NCOA6: variants seen among roughly 807,000 people sequenced by gnomAD.
The protein encoded by NCOA6 is NRC RAP250.
Under a neutral mutation model 171.4 loss-of-function variants are expected in NCOA6, and 49 were observed. That is an observed-to-expected ratio of 0.29 (90% CI 0.23 to 0.36). The LOEUF (loss-of-function observed/expected upper bound fraction) is 0.36. NCOA6 is among the 10% of genes least tolerant of loss of function. NCOA6 has a pLI of 1.00. For missense variants in NCOA6, 2,248 were observed against 2,554.5 expected (o/e 0.88, Z 2.59); for synonymous variants, 910 against 927.5 (o/e 0.98, Z 0.34).
chr20:34,790,074 TAA>T (rs61537155), intron 2 of NCOA6, among the ~76,000 whole-genome samples: 1,832 of 138,378 alleles, frequency 0.013, 46 homozygotes, highest in African/African-American at 0.046. Context: ...TTTCTACTAT[TAA>T]AAAAAAAAAA....
intron 5 of NCOA6, among the ~76,000 whole-genome samples, chr20:34,760,523 G>A (rs1313329375): frequency 6.6e-6 from 1 of 152,184 alleles, no homozygotes; most frequent in East Asian, 1.9e-4. Context: ...GAGTTGGAAA[G>A]CATCTTTCTT....
intron 8 of NCOA6, among the ~76,000 whole-genome samples, 200 bp downstream of exon 8, chr20:34,754,522 G>A (rs1212962532): frequency 6.6e-6 from 1 of 152,140 alleles, no homozygotes; most frequent in Non-Finnish European, 1.5e-5. Flanking sequence ...TCTCCTCTTA[G>A]ATGTTTCTGA....
At chr20:34,788,308 C>A (rs536594632) in intron 2 of NCOA6, among the ~76,000 whole-genome samples, 1 of 152,296 alleles carries the variant, frequency 6.6e-6, no homozygotes, top group African/African-American at 2.4e-5. Context: ...AGGTGATCCA[C>A]CCGCCTCGGC....
At chr20:34,773,532 G>A (rs1190682563) in intron 4 of NCOA6, among the ~76,000 whole-genome samples, 4 of 131,190 alleles carry the variant, frequency 3.0e-5, no homozygotes, top group Non-Finnish European at 4.8e-5. Flanking sequence ...TCGGCTCACC[G>A]CAACCTCCAC....
chr20:34,734,824 G>A (rs1028128409), intron 12 of NCOA6, among the ~76,000 whole-genome samples: 8 of 151,666 alleles, frequency 5.3e-5, no homozygotes, highest in Non-Finnish European at 1.2e-4. Context: ...AGCTAATTTT[G>A]TATTTGTAGT....
At chr20:34,809,626 C>T (rs931777477) in intron 1 of NCOA6, 2 of 392,162 alleles carry the variant, frequency 5.1e-6, no homozygotes, top group Non-Finnish European at 9.0e-6. Flanking sequence ...TTGTGATTGG[C>T]CAAATTCCTT....
chr20:34,806,890 T>C (rs1206431303), intron 1 of NCOA6, among the ~76,000 whole-genome samples: 3 of 152,228 alleles, frequency 2.0e-5, no homozygotes, highest in African/African-American at 4.8e-5. Context: ...TCAAGGTCTT[T>C]TGTGGTGCCT....
intron 1 of NCOA6, among the ~76,000 whole-genome samples, chr20:34,794,486 A>C (rs2077998120): frequency 6.6e-6 from 1 of 152,132 alleles, no homozygotes; most frequent in Non-Finnish European, 1.5e-5. Flanking sequence ...ATTATAGAAC[A>C]TCCTTAAAAA....
At chr20:34,723,227 C>T (rs1380938498) in intron 14 of NCOA6, among the ~76,000 whole-genome samples, 3 of 152,064 alleles carry the variant, frequency 2.0e-5, no homozygotes, top group African/African-American at 7.2e-5. Flanking sequence ...TGGGACTGAG[C>T]CCTCAAACCT....
Position 34,746,903 on chromosome 20 carries a change from G to T in NCOA6, c.2818C>A (p.Leu940Met). Residue 940 changes from leucine (L) to methionine (M), a missense_variant, in exon 10 of 15, where the codon CTG (leucine) becomes ATG (methionine). Physicochemically the swap from Leu to Met is conservative, Grantham distance 15. Coordinates refer to ENST00000359003, the MANE Select transcript of NCOA6 (RefSeq NM_014071.5). ...AACGGTGGCTGATCAGCCTCTTCCA[G>T]ACCAGCTGGGCGAGTATCTGGGGTG... ...LNTPDTRPAG[L>M]EEADQPPLPG... 6.6e-7 allele frequency: 1 copy of T among 1,515,780 alleles called. No homozygotes were observed. Among genetic ancestry groups the T allele is most frequent in the Non-Finnish European group, 8.9e-7 (1 of 1,122,110 alleles). 93.9% of individuals were successfully genotyped at this position (1,515,780 alleles called of 1,614,324 possible). A position where few individuals can be genotyped will look rare whatever the true frequency, so the allele number is the denominator to read the frequency against.
At position 34,757,324 on chromosome 20, in the gene NCOA6, C is replaced by T. The variant is rs1278762186; in HGVS notation, c.1424G>A (p.Gly475Asp). ...TCCCTGTTGAACCATAGGATTCCGA[C>T]CCGGAGAGCTGACAGGCTGCTGAAA... ...QGFQQPVSSP[G>D]RNPMVQQGNV... The change falls in exon 7 of 15, where the codon GGT becomes GAT. Residue 475 changes from glycine to aspartate, a missense_variant. By Grantham distance (94) the Gly-to-Asp change is moderately conservative. Coordinates refer to ENST00000359003, the MANE Select transcript of NCOA6 (RefSeq NM_014071.5). 6.2e-7 allele frequency: 1 copy of T among 1,614,148 alleles called. No individual in the cohort carries two copies. Among genetic ancestry groups the T allele is most frequent in the Non-Finnish European group, 8.5e-7 (1 of 1,180,008 alleles).
Position 34,743,274 on chromosome 20 carries a change from C to T in NCOA6, c.2982G>A (p.Val994=). ...QQMPPQLMQH[V]APPPQPPQQQ... is the part of the protein sequence containing the mutation. The stretch of plus-strand genomic sequence containing the variant: ...GCTGTGGTGGCTGTGGTGGGGGTGC[C>T]ACATGCTGCATGAGTTGAGGAGGCA... Residue 994 remains valine, a synonymous_variant, in exon 11 of 15, where the codon GTG becomes GTA. Coordinates refer to ENST00000359003, the MANE Select transcript of NCOA6 (RefSeq NM_014071.5). 1 of 1,613,802 alleles carries T rather than the reference C, an allele frequency of 6.2e-7. No individual in the cohort carries two copies. Among genetic ancestry groups the T allele is most frequent in the East Asian group, 2.2e-5 (1 of 44,882 alleles).
At position 34,742,700 on chromosome 20, in the gene NCOA6, C is replaced by G. The variant is rs1357877461; in HGVS notation, c.3556G>C (p.Val1186Leu). 6.2e-7 allele frequency: 1 copy of G among 1,613,994 alleles called. No homozygotes were observed. The highest frequency in any genetic ancestry group is 2.2e-5 in the East Asian group (1 of 44,878). ...TQGATPQQPP[V>L]NSLPSSHGHH... is the part of the protein sequence containing the mutation. The stretch of plus-strand genomic sequence containing the variant: ...CCGTGAGAGCTGGGCAGGGAATTTA[C>G]AGGGGGTTGCTGGGGAGTTGCACCT... Residue 1186 changes from valine to leucine, a missense_variant, in exon 11 of 15, where the codon GTA (valine) becomes CTA (leucine). Val to Leu is a conservative substitution (Grantham distance 32). Around this residue, in one of 7 missense-constraint regions of NCOA6, gnomAD observed 352 missense variants for 419.1 expected, o/e 0.84. Coordinates refer to ENST00000359003, the MANE Select transcript of NCOA6 (RefSeq NM_014071.5).
chr20:34,765,818 A>G (rs557614033), intron 5 of NCOA6, among the ~76,000 whole-genome samples: 3 of 152,334 alleles, frequency 2.0e-5, no homozygotes, highest in South Asian at 4.1e-4. Context: ...AATGACTACT[A>G]TAGTATCCCC....
intron 1 of NCOA6, among the ~76,000 whole-genome samples, chr20:34,803,536 AAAAAT>A (rs1308471787): frequency 2.0e-5 from 3 of 152,172 alleles, no homozygotes; most frequent in Admixed American, 6.5e-5. Context: ...TGGAAGATTT[AAAAAT>A]AAAATAATTG....
intron 10 of NCOA6, among the ~76,000 whole-genome samples, chr20:34,743,838 AACAGCACTGAAG>A (rs1225265338): frequency 4.6e-5 from 7 of 152,264 alleles, no homozygotes; most frequent in Admixed American, 4.6e-4. Flanking sequence ...TGTTGAAAAT[AACAGCACTGAAG>A]ACAGCCTTTT....
intron 1 of NCOA6, among the ~76,000 whole-genome samples, chr20:34,798,982 C>T (rs2078170592): frequency 6.6e-6 from 1 of 152,116 alleles, no homozygotes; most frequent in East Asian, 1.9e-4. Flanking sequence ...CATGACCTCA[C>T]CAAATGAACT....
intron 10 of NCOA6, among the ~76,000 whole-genome samples, chr20:34,744,094 G>A (rs1214179118): frequency 1.3e-5 from 2 of 152,180 alleles, no homozygotes; most frequent in African/African-American, 4.8e-5. Flanking sequence ...GGGCATTGAA[G>A]TTTTTATGGA....
chr20:34,792,934 C>A (rs953547901), intron 1 of NCOA6, among the ~76,000 whole-genome samples: 1 of 151,930 alleles, frequency 6.6e-6, no homozygotes, highest in Non-Finnish European at 1.5e-5. Flanking sequence ...CATGCCACCA[C>A]ATCTGGATAA....
Sources: gnomAD v4.1 joint callset for allele counts (sites outside exome capture counted in the v4.1 genomes callset) on GRCh38, gnomAD v4.1.1 for gene constraint, gnomAD v4.1.1 regional missense constraint, MANE v1.5 for transcripts, NCBI Gene and HGNC (gene_info 2026-07-23, HGNC 2026-07-21) for gene names.